The following SPOCK3 variants were observed in gnomAD, a reference collection of about 807,000 sequenced individuals.
SPOCK3 encodes SPARC (osteonectin), cwcv and kazal like domains proteoglycan 3, also known as testican-3.
A neutral mutation model predicts 56.6 loss-of-function variants in SPOCK3; 30 were observed. The ratio of observed to expected loss-of-function variants is 0.53; its 90% confidence interval spans 0.40 to 0.72. The LOEUF (loss-of-function observed/expected upper bound fraction) is 0.72. Ranked by LOEUF, SPOCK3 falls within the 30% of genes least tolerant of loss-of-function variation. SPOCK3 has a pLI of 0.00. For synonymous variants in SPOCK3, 196 were observed against 183.3 expected (o/e 1.07, Z -0.56); for missense variants, 527 against 530.0 (o/e 0.99, Z 0.06).
chr4:167,012,528 C>G (rs1750183187), intron 3 of SPOCK3, among the ~76,000 whole-genome samples: 1 of 151,932 alleles, frequency 6.6e-6, no homozygotes, highest in East Asian at 1.9e-4. Context: ...GATGAGATAG[C>G]TCTTTAGCAC....
At position 166,921,880 on chromosome 4, in the gene SPOCK3, T is replaced by A. The variant is rs191878431; in HGVS notation, c.351-9137A>T. 3.3e-3 allele frequency among the ~76,000 whole-genome samples: 496 copies of A among 152,236 alleles called. 3 individuals carry two copies. The highest frequency in any genetic ancestry group is 4.1e-3 in the Non-Finnish European group (277 of 68,010). On this transcript the variant is annotated intron_variant, in intron 4 of 10. Transcript: ENST00000357545. ...TTATCATCTTCTAACCTACAAATAG[T>A]ACCTATGCGCCCTTCTAGATACTGT...
intron 2 of SPOCK3, among the ~76,000 whole-genome samples, chr4:167,119,040 G>T (rs1761653067): frequency 7.2e-6 from 1 of 139,110 alleles, no homozygotes; most frequent in Non-Finnish European, 1.5e-5. Context: ...GAATCAAGAA[G>T]TTCATCATGT....
intron 3 of SPOCK3, among the ~76,000 whole-genome samples, chr4:167,029,153 A>G (rs1752017348): frequency 6.6e-6 from 1 of 152,026 alleles, no homozygotes; most frequent in Admixed American, 6.6e-5. Flanking sequence ...CCCACTTATA[A>G]GTGAGAACAT....
chr4:167,082,405 C>A (rs1757788906), intron 2 of SPOCK3, among the ~76,000 whole-genome samples: 1 of 152,008 alleles, frequency 6.6e-6, no homozygotes. Flanking sequence ...TAAACTACTG[C>A]TGGCAGGCCA....
chr4:167,099,264 A>G (rs937757681), intron 2 of SPOCK3, among the ~76,000 whole-genome samples: 3 of 151,978 alleles, frequency 2.0e-5, no homozygotes, highest in African/African-American at 7.2e-5. Context: ...TAGTAGTTTT[A>G]TGATTTTAAG....
chr4:166,985,265 G>A (rs1377354590), intron 4 of SPOCK3, among the ~76,000 whole-genome samples: 2 of 152,080 alleles, frequency 1.3e-5, no homozygotes, highest in African/African-American at 4.8e-5. Flanking sequence ...GAATAGAAAT[G>A]TCTTTTCAAA....
chr4:166,957,459 G>T lies in SPOCK3; in HGVS notation c.350+42890C>A, dbSNP rs569013365. 2.0e-5 allele frequency among the ~76,000 whole-genome samples: 3 copies of T among 152,202 alleles called. No homozygotes were observed. The South Asian group carries it at 6.2e-4, about 32-fold the overall frequency. ...CCTGACTTCCTCATTCCCTAAATGG[G>T]TCTCTCCTTCATTCTTCTCCATCTC... On this transcript the variant is annotated intron_variant, in intron 4 of 10. Coordinates refer to ENST00000357545, the MANE Select transcript of SPOCK3 (RefSeq NM_001040159.2).
chr4:166,910,221 A>C (rs1352794681), intron 5 of SPOCK3, among the ~76,000 whole-genome samples: 1 of 152,180 alleles, frequency 6.6e-6, no homozygotes, highest in Non-Finnish European at 1.5e-5. Flanking sequence ...ATTAGAATTA[A>C]CAGAAATAAA....
At chr4:166,785,569 C>A (rs1471110018) in intron 7 of SPOCK3, among the ~76,000 whole-genome samples, 2 of 152,058 alleles carry the variant, frequency 1.3e-5, no homozygotes, top group East Asian at 3.9e-4. Context: ...CTATATATTT[C>A]ATTATATTTT....
intron 7 of SPOCK3, among the ~76,000 whole-genome samples, chr4:166,767,061 T>C (rs1738187735): frequency 6.6e-6 from 1 of 152,208 alleles, no homozygotes; most frequent in African/African-American, 2.4e-5. Flanking sequence ...TTATTGCATC[T>C]ATTTGATTCT....
chr4:166,765,427 C>T (rs904931088), intron 7 of SPOCK3, among the ~76,000 whole-genome samples: 1 of 152,142 alleles, frequency 6.6e-6, no homozygotes, highest in African/African-American at 2.4e-5. Context: ...TTCCCAGCAC[C>T]ATTTATTAAA....
intron 6 of SPOCK3, among the ~76,000 whole-genome samples, chr4:166,800,183 GAAAA>G (rs367811359): frequency 5.4e-4 from 28 of 51,786 alleles, no homozygotes; most frequent in South Asian, 2.3e-3. Context: ...CTCCATCTCA[GAAAA>G]AAAAAAAAAA....
At chr4:167,114,750 G>T (rs1443738138) in intron 2 of SPOCK3, among the ~76,000 whole-genome samples, 2 of 152,036 alleles carry the variant, frequency 1.3e-5, no homozygotes, top group Non-Finnish European at 2.9e-5. Flanking sequence ...GGTCTTTTGG[G>T]TACTAAAACT....
intron 6 of SPOCK3, among the ~76,000 whole-genome samples, chr4:166,813,234 A>C (rs1468077593): frequency 2.0e-5 from 3 of 152,122 alleles, no homozygotes; most frequent in African/African-American, 7.2e-5. Flanking sequence ...CAAAGGCTAA[A>C]TAACTGCACA....
Position 166,735,102 on chromosome 4 carries a change from T to C in SPOCK3, c.1133-12A>G, listed in dbSNP as rs772456224. ...CTCAAAATCTATAGCTTAAAACAAG[T>C]GAAAGTAAACATAACCTTTATTTGA... On this transcript the variant is annotated splice_polypyrimidine_tract_variant and intron_variant, in intron 10 of 10. Transcript: ENST00000357545. 18 of 1,570,658 alleles carry C rather than the reference T, an allele frequency of 1.1e-5. No homozygotes were observed. The East Asian group carries it at 1.6e-4, about 14-fold the overall frequency.
chr4:166,961,348 A>C (rs1327890928), intron 4 of SPOCK3, among the ~76,000 whole-genome samples: 1 of 152,110 alleles, frequency 6.6e-6, no homozygotes, highest in Non-Finnish European at 1.5e-5. Context: ...CTAACAGAGG[A>C]TATGCAGAAT....
At position 166,878,031 on chromosome 4, in the gene SPOCK3, C is replaced by G. The variant is rs144993158; in HGVS notation, c.589+11099G>C. Among the ~76,000 whole-genome samples, 969 of 152,178 alleles carry G rather than the reference C, an allele frequency of 6.4e-3. 10 individuals are homozygous for G. The highest frequency in any genetic ancestry group is 0.022 in the African/African-American group (911 of 41,508). On this transcript the variant is annotated intron_variant, in intron 6 of 10. Transcript: ENST00000357545. ...GTGGCTCATGCCTGTAATCTCAGCA[C>G]TTTGGGAGGCCGAGGCAGGTGGATC...
chr4:167,185,720 TGGGAGG>T (rs1397107907), intron 2 of SPOCK3, among the ~76,000 whole-genome samples: 1 of 152,138 alleles, frequency 6.6e-6, no homozygotes, highest in African/African-American at 2.4e-5. Flanking sequence ...ACAAATAGTG[TGGGAGG>T]GGCATTCCTC....
chr4:167,098,535 C>T (rs1436811872), intron 2 of SPOCK3, among the ~76,000 whole-genome samples: 2 of 152,046 alleles, frequency 1.3e-5, no homozygotes, highest in East Asian at 3.8e-4. Flanking sequence ...TAATGCCCCA[C>T]TTAGGAAAGT....
Sources: gnomAD v4.1 joint callset for allele counts (sites outside exome capture counted in the v4.1 genomes callset) on GRCh38, gnomAD v4.1.1 for gene constraint, MANE v1.5 for transcripts, NCBI Gene and HGNC (gene_info 2026-07-23, HGNC 2026-07-21) for gene names.